Variants in OLFM3 observed in about 807,000 individuals in gnomAD.
The protein encoded by OLFM3 is noelin-3.
A neutral mutation model predicts 48.6 loss-of-function variants in OLFM3; 20 were observed. The observed-to-expected ratio is 0.41, with a 90% CI of 0.29 to 0.60. The LOEUF is 0.60. OLFM3 is among the 20% of genes least tolerant of loss of function. The pLI is 0.28. For missense variants in OLFM3, 437 were observed against 544.3 expected (o/e 0.80, Z 1.96); for synonymous variants, 222 against 198.1 (o/e 1.12, Z -1.01).
At chr1:101,911,203 T>C (rs1658749458) in intron 1 of OLFM3, among the ~76,000 whole-genome samples, 2 of 152,132 alleles carry the variant, frequency 1.3e-5, no homozygotes, top group Admixed American at 6.5e-5. Flanking sequence ...TAATCTTCCA[T>C]AACTTAAGAT....
intron 1 of OLFM3, among the ~76,000 whole-genome samples, chr1:101,988,656 T>C (rs1661315814): frequency 6.6e-6 from 1 of 152,102 alleles, no homozygotes. Context: ...ATATTCATTT[T>C]TTCATGCAAA....
intron 1 of OLFM3, among the ~76,000 whole-genome samples, chr1:101,851,049 G>A (rs1029849886): frequency 2.0e-5 from 3 of 152,058 alleles, no homozygotes; most frequent in East Asian, 3.9e-4. Flanking sequence ...AAGTTAAGTA[G>A]GAAAAATAGG....
At chr1:101,930,400 A>G (rs549577047) in intron 1 of OLFM3, among the ~76,000 whole-genome samples, 1 of 152,336 alleles carries the variant, frequency 6.6e-6, no homozygotes, top group East Asian at 1.9e-4. Flanking sequence ...TGGTAGAGTG[A>G]GAAAATATAA....
At chr1:101,857,441 GTAAA>G (rs1656472081) in intron 1 of OLFM3, among the ~76,000 whole-genome samples, 1 of 151,902 alleles carries the variant, frequency 6.6e-6, no homozygotes, top group Non-Finnish European at 1.5e-5. Flanking sequence ...AGCTAAAACT[GTAAA>G]TCTAGTGTAG....
chr1:101,956,086 G>GTTTTTTTTTTTTTTTTTT (rs71592232), intron 1 of OLFM3, among the ~76,000 whole-genome samples: 5 of 105,084 alleles, frequency 4.8e-5, no homozygotes, highest in East Asian at 4.8e-4. Flanking sequence ...ACAATAACAG[G>GTTTTTTTTTTTTTTTTTT]TTTTTTTTTT....
chr1:101,942,597 C>T lies in OLFM3; in HGVS notation c.69+54151G>A, dbSNP rs947802224. 3.3e-5 allele frequency among the ~76,000 whole-genome samples: 5 copies of T among 152,176 alleles called. No individual in the cohort carries two copies. In the South Asian group the frequency reaches 6.2e-4, roughly 19 times the overall value. ...TTATATAGAACAGTACTTTACAGTT[C>T]TATTATTTTATGTACCTGCTAAGGT... is the stretch of plus-strand genomic sequence containing the variant. On this transcript the variant is annotated intron_variant, in intron 1 of 5. Coordinates refer to ENST00000370103, the MANE Select transcript of OLFM3 (RefSeq NM_058170.4).
intron 1 of OLFM3, among the ~76,000 whole-genome samples, chr1:101,886,654 T>C (rs1165980639): frequency 6.6e-6 from 1 of 152,070 alleles, no homozygotes; most frequent in African/African-American, 2.4e-5. Flanking sequence ...GTTATCTGAC[T>C]GCGGTTGCAT....
chr1:101,938,606 C>CT (rs1659693952), intron 1 of OLFM3, among the ~76,000 whole-genome samples: 1 of 152,182 alleles, frequency 6.6e-6, no homozygotes, highest in Non-Finnish European at 1.5e-5. Context: ...GCACAGGCTG[C>CT]TTTTGCAAGG....
At chr1:101,958,138 CT>C (rs1660354261) in intron 1 of OLFM3, among the ~76,000 whole-genome samples, 1 of 152,028 alleles carries the variant, frequency 6.6e-6, no homozygotes, top group Non-Finnish European at 1.5e-5. Flanking sequence ...AACATTGAAA[CT>C]TTTAAAGGCA....
Position 101,804,699 on chromosome 1 carries a change from G to C in OLFM3, c.916C>G (p.Arg306Gly). Reference sequence around the variant, plus strand: ...TGAAAACCAGCATACTCCAGGCTTCGTTGGGCAAGCACTCTCCCCATATCA... The same window carrying C: ...TGAAAACCAGCATACTCCAGGCTTCCTTGGGCAAGCACTCTCCCCATATCA... ...SFDMGRVLAQRSLEYAGFHNV... is the reference protein window; with the variant it reads ...SFDMGRVLAQGSLEYAGFHNV... Residue 306 changes from arginine (R) to glycine (G), a missense_variant, in exon 6 of 6, where the codon CGA becomes GGA. This residue lies in a region of OLFM3 where 314 missense variants were observed against 365.5 expected (regional missense o/e 0.86). Coordinates refer to ENST00000370103, the MANE Select transcript of OLFM3 (RefSeq NM_058170.4). The surrounding 1 kb of genome is among the most constrained non-coding windows in gnomAD (Gnocchi z 4.5). 3 of 1,612,560 alleles carry C rather than the reference G, an allele frequency of 1.9e-6. No individual in the cohort carries two copies. Among genetic ancestry groups the C allele is most frequent in the Non-Finnish European group, 2.5e-6 (3 of 1,179,124 alleles).
At chr1:101,866,668 C>G (rs891391280) in intron 1 of OLFM3, among the ~76,000 whole-genome samples, 1 of 152,014 alleles carries the variant, frequency 6.6e-6, no homozygotes, top group South Asian at 2.1e-4. Flanking sequence ...CATTCATCTG[C>G]TCATATTACT....
chr1:101,818,611 C>G (rs1459604149), intron 4 of OLFM3, among the ~76,000 whole-genome samples: 1 of 152,096 alleles, frequency 6.6e-6, no homozygotes, highest in Non-Finnish European at 1.5e-5. Context: ...TTGTTAATTC[C>G]TGCTTTCACT....
intron 2 of OLFM3, among the ~76,000 whole-genome samples, chr1:101,833,729 G>C (rs1292483236): frequency 6.6e-6 from 1 of 152,070 alleles, no homozygotes; most frequent in East Asian, 1.9e-4. Context: ...TAATTAGTGA[G>C]GTGGTCACTT....
At chr1:101,988,712 G>A (rs2101118287) in intron 1 of OLFM3, among the ~76,000 whole-genome samples, 1 of 152,100 alleles carries the variant, frequency 6.6e-6, no homozygotes, top group Admixed American at 6.5e-5. Flanking sequence ...TGTGCTAGCT[G>A]CTAGATAGGA....
intron 1 of OLFM3, among the ~76,000 whole-genome samples, chr1:101,886,968 C>T (rs1657787113): frequency 6.6e-6 from 1 of 151,986 alleles, no homozygotes; most frequent in African/African-American, 2.4e-5. Context: ...ATAATTTCTT[C>T]TCTTGAAAAA....
intron 1 of OLFM3, among the ~76,000 whole-genome samples, chr1:101,915,152 T>C (rs1055826491): frequency 4.6e-5 from 7 of 152,154 alleles, no homozygotes; most frequent in African/African-American, 1.7e-4. Flanking sequence ...AAAAAGAAAG[T>C]CAATTTGATT....
At chr1:101,883,208 A>G (rs933381296) in intron 1 of OLFM3, among the ~76,000 whole-genome samples, 1 of 151,592 alleles carries the variant, frequency 6.6e-6, no homozygotes, top group African/African-American at 2.4e-5. Flanking sequence ...TAAAAAAATC[A>G]ATGTTTTTAG....
intron 1 of OLFM3, among the ~76,000 whole-genome samples, chr1:101,843,411 T>C (rs558077256): frequency 9.9e-4 from 150 of 152,282 alleles, no homozygotes; most frequent in African/African-American, 3.5e-3. Flanking sequence ...GAAGTTACTC[T>C]GCATTCAAGA....
intron 1 of OLFM3, among the ~76,000 whole-genome samples, chr1:101,866,009 T>C (rs776040458): frequency 6.6e-5 from 10 of 152,292 alleles, no homozygotes; most frequent in South Asian, 2.1e-4. Flanking sequence ...TCCAAATGCA[T>C]ACAGAAGAGA....
Sources: gnomAD v4.1 joint callset for allele counts (sites outside exome capture counted in the v4.1 genomes callset) on GRCh38, gnomAD v4.1.1 for gene constraint, gnomAD v4.1.1 regional missense constraint, Gnocchi (gnomAD v3.1) non-coding constraint, MANE v1.5 for transcripts, NCBI Gene and HGNC (gene_info 2026-07-23, HGNC 2026-07-21) for gene names.